The following PLCG2 variants were observed in gnomAD, a reference collection of about 807,000 sequenced individuals.
PLCG2 encodes the protein 1-phosphatidylinositol 4,5-bisphosphate phosphodiesterase gamma-2.
Under a neutral mutation model 175.6 loss-of-function variants are expected in PLCG2, and 69 were observed. The observed-to-expected ratio is 0.39, with a 90% confidence interval of 0.32 to 0.48. The LOEUF is 0.48. Among genes scored for constraint, PLCG2 ranks in the 20% least tolerant of loss-of-function variants. The pLI is 0.91. For synonymous variants in PLCG2, 827 were observed against 624.0 expected (o/e 1.33, Z -4.85); for missense variants, 1,798 against 1,650.9 (o/e 1.09, Z -1.54).
chr16:81,921,763 C>T (rs1910071851), intron 21 of PLCG2, among the ~76,000 whole-genome samples: 1 of 152,208 alleles, frequency 6.6e-6, no homozygotes, highest in African/African-American at 2.4e-5. Flanking sequence ...GGAAGAACCA[C>T]AGCGAATTTT....
rs746134531 is a variant in PLCG2, at chr16:81,956,695, G to A, written c.3571G>A (p.Glu1191Lys). 6.2e-7 allele frequency: 1 copy of A among 1,613,530 alleles called. No homozygotes were observed. Among genetic ancestry groups the A allele is most frequent in the Admixed American group, 1.7e-5 (1 of 60,012 alleles). The change falls in exon 32 of 33, where the codon GAG becomes AAG. Residue 1191 changes from glutamate (E) to lysine (K), a missense_variant and splice_region_variant. Physicochemically the swap from Glu to Lys is moderately conservative, Grantham distance 56. Coordinates refer to ENST00000564138, the MANE Select transcript of PLCG2 (RefSeq NM_002661.5). ...LVFCEMRPVL[E>K]SEEELYSSCR... Reference sequence around the variant, plus strand: ...TTGTTCTCTCCCCTGCATCCTCCAGGAGAGCGAAGAGGAACTTTACTCCTC... The same window carrying A: ...TTGTTCTCTCCCCTGCATCCTCCAGAAGAGCGAAGAGGAACTTTACTCCTC...
chr16:81,889,406 T>G (rs1342463027), intron 10 of PLCG2, 133 bp downstream of exon 10: 1 of 603,216 alleles, frequency 1.7e-6, no homozygotes, highest in Non-Finnish European at 3.0e-6. Flanking sequence ...ACTGGTTAGC[T>G]GGGATTGTTT....
intron 2 of PLCG2, among the ~76,000 whole-genome samples, chr16:81,802,157 G>T (rs1316576293): frequency 1.8e-5 from 2 of 113,920 alleles, no homozygotes; most frequent in Non-Finnish European, 3.4e-5. Context: ...CTTTCGCCCA[G>T]GCCAGAGTGC....
intron 2 of PLCG2, among the ~76,000 whole-genome samples, chr16:81,801,086 C>G (rs1314163972): frequency 6.6e-6 from 1 of 152,152 alleles, no homozygotes; most frequent in Non-Finnish European, 1.5e-5. Flanking sequence ...AGACTCATGA[C>G]TTTTGCTCGT....
intron 24 of PLCG2, among the ~76,000 whole-genome samples, chr16:81,930,247 A>G (rs1478662865): frequency 6.6e-6 from 1 of 152,180 alleles, no homozygotes; most frequent in African/African-American, 2.4e-5. Flanking sequence ...GAGCTCAGAA[A>G]TCTTAGCTAC....
rs113206957 is a variant in PLCG2 at position 81,842,557 on chromosome 16, C to T, written c.194-11887C>T. ...CAAGCCTTCTGTCTGTCTGTTTGCT[C>T]GCTTGAATATGTCTTGAGCTTCCAG... is the stretch of plus-strand genomic sequence containing the variant. On this transcript the variant is annotated intron_variant, in intron 2 of 32. Coordinates refer to ENST00000564138, the MANE Select transcript of PLCG2 (RefSeq NM_002661.5). 2.3e-3 allele frequency among the ~76,000 whole-genome samples: 348 copies of T among 152,232 alleles called. 1 individual carries two copies. The highest frequency in any genetic ancestry group is 7.8e-3 in the African/African-American group (323 of 41,536).
rs1909983498 is a variant in PLCG2, at chr16:81,919,678, T to C, written c.2235+14T>C. ...CGCTACAATATGGTAGGTGGTGGACTCCCTTGTGATTTGGTGGGATTTCTT... is the reference window on the plus strand; with the variant it reads ...CGCTACAATATGGTAGGTGGTGGACCCCCTTGTGATTTGGTGGGATTTCTT... On this transcript the variant is annotated intron_variant, in intron 20 of 32. Transcript: ENST00000564138. 6.2e-7 allele frequency: 1 copy of C among 1,601,396 alleles called. No homozygotes were observed. The highest frequency in any genetic ancestry group is 1.3e-5 in the African/African-American group (1 of 74,692).
chr16:81,768,607 C>G (rs965909200), intron 2 of PLCG2, among the ~76,000 whole-genome samples: 2 of 141,238 alleles, frequency 1.4e-5, no homozygotes, highest in African/African-American at 5.4e-5. Context: ...CTCTTGTTGC[C>G]CAGGCTGGAG....
At chr16:81,831,749 C>T (rs762988679) in intron 2 of PLCG2, among the ~76,000 whole-genome samples, 1 of 152,140 alleles carries the variant, frequency 6.6e-6, no homozygotes, top group Non-Finnish European at 1.5e-5. Flanking sequence ...GGAGGCTCCC[C>T]GCTCTTGCCC....
At chr16:81,811,929 C>T (rs933731522) in intron 2 of PLCG2, among the ~76,000 whole-genome samples, 1 of 152,078 alleles carries the variant, frequency 6.6e-6, no homozygotes. Context: ...GTGCTAGATC[C>T]TCGAGGAATT....
At chr16:81,748,723 C>T (rs980483084) in intron 1 of PLCG2, among the ~76,000 whole-genome samples, 3 of 152,104 alleles carry the variant, frequency 2.0e-5, no homozygotes, top group Non-Finnish European at 2.9e-5. Context: ...CTCCTATTCC[C>T]CATTTGTAGA....
intron 1 of PLCG2, among the ~76,000 whole-genome samples, chr16:81,744,287 C>G (rs1352954535): frequency 6.6e-6 from 1 of 151,888 alleles, no homozygotes; most frequent in African/African-American, 2.4e-5. Flanking sequence ...GCCTCAGCCT[C>G]CCAAGTAGCT....
intron 2 of PLCG2, among the ~76,000 whole-genome samples, chr16:81,838,848 T>C (rs1355738371): frequency 1.3e-5 from 2 of 151,046 alleles, no homozygotes; most frequent in Admixed American, 6.6e-5. Flanking sequence ...ACATGGTGCA[T>C]GTAAGGCTCA....
intron 6 of PLCG2, 146 bp from the exon 7 acceptor site, chr16:81,870,706 C>T: frequency 2.1e-6 from 1 of 470,328 alleles, no homozygotes; most frequent in Non-Finnish European, 3.8e-6. Flanking sequence ...AGCCATGACA[C>T]TGAAACAATG....
At chr16:81,777,020 C>T (rs1454081774), upstream of PLCG2, among the ~76,000 whole-genome samples, 2 of 151,736 alleles carry the variant, frequency 1.3e-5, no homozygotes, top group Non-Finnish European at 2.9e-5. Context: ...GAATTAAAAA[C>T]ATGAAAGAAA....
Position 81,939,882 on chromosome 16 carries a change from C to G in PLCG2, c.3314-10C>G, listed in dbSNP as rs1325104497. ...AATGTGGCCTCTCATGAGCTTTGAT[C>G]TCCTTCCAGATGATAATGGCCTCAG... On this transcript the variant is annotated splice_polypyrimidine_tract_variant and intron_variant, in intron 29 of 32. Coordinates refer to ENST00000564138, the MANE Select transcript of PLCG2 (RefSeq NM_002661.5). 1.9e-6 allele frequency: 3 copies of G among 1,606,824 alleles called. No individual in the cohort carries two copies. The highest frequency in any genetic ancestry group is 1.7e-6 in the Non-Finnish European group (2 of 1,173,596).
rs377123977 is a variant in PLCG2 at position 81,936,251 on chromosome 16, G to C, written c.2925G>C (p.Leu975=). Residue 975 remains leucine (L), a synonymous_variant, in exon 27 of 33, where the codon CTG becomes CTC. Coordinates refer to ENST00000564138, the MANE Select transcript of PLCG2 (RefSeq NM_002661.5). ...SIIRQKPVDL[L]KYNQKGLTRV... is the part of the protein sequence containing the mutation. ...TCAGACAGAAGCCCGTCGACCTCCT[G>C]AAGTACAATCAAAAGGGCCTGACCC... 6 of 1,614,058 alleles carry C rather than the reference G, an allele frequency of 3.7e-6. No individual in the cohort carries two copies. In the African/African-American group the frequency reaches 5.3e-5, roughly 14 times the overall value.
At chr16:81,887,355 A>G (rs1284754522) in intron 9 of PLCG2, among the ~76,000 whole-genome samples, 1 of 152,006 alleles carries the variant, frequency 6.6e-6, no homozygotes, top group Non-Finnish European at 1.5e-5. Flanking sequence ...TCCTGACCTC[A>G]TGATCCGCCC....
At position 81,923,532 on chromosome 16, in the gene PLCG2, C is replaced by T. The variant is rs185307548; in HGVS notation, c.2355C>T (p.Ser785=). ...KALYDYKAKR[S]DELSFCRGAL... is the part of the protein sequence containing the mutation. ...TGTATGACTACAAAGCCAAGCGAAGCGATGAGCTGAGCTTCTGCCGTGGTG... is the reference window on the plus strand; with the variant it reads ...TGTATGACTACAAAGCCAAGCGAAGTGATGAGCTGAGCTTCTGCCGTGGTG... The change falls in exon 22 of 33, where the codon AGC becomes AGT. Residue 785 remains serine, a synonymous_variant. Coordinates refer to ENST00000564138, the MANE Select transcript of PLCG2 (RefSeq NM_002661.5). 1.7e-3 allele frequency: 2,751 copies of T among 1,613,736 alleles called. 43 individuals are homozygous for T. The highest frequency in any genetic ancestry group is 4.9e-4 in the Non-Finnish European group (578 of 1,179,754).
Sources: gnomAD v4.1 joint callset for allele counts (sites outside exome capture counted in the v4.1 genomes callset) on GRCh38, gnomAD v4.1.1 for gene constraint, MANE v1.5 for transcripts, NCBI Gene and HGNC (gene_info 2026-07-23, HGNC 2026-07-21) for gene names.